Variants in ADAMTSL1 observed in about 807,000 individuals in gnomAD.
ADAMTSL1 encodes the protein ADAMTS-like protein 1.
ADAMTSL1 carries 126 observed loss-of-function variants against 201.8 expected under a neutral mutation model. That is an observed-to-expected ratio of 0.62 (90% CI 0.54 to 0.72). The LOEUF (loss-of-function observed/expected upper bound fraction) is 0.72. Among genes scored for constraint, ADAMTSL1 ranks in the 30% least tolerant of loss-of-function variants. ADAMTSL1 has a pLI of 0.00. For missense variants in ADAMTSL1, 2,679 were observed against 2,277.8 expected (o/e 1.18, Z -3.59); for synonymous variants, 1,121 against 903.4 (o/e 1.24, Z -4.32).
At chr9:18,383,548 A>C (rs2133191723) in intron 2 of ADAMTSL1, among the ~76,000 whole-genome samples, 1 of 152,244 alleles carries the variant, frequency 6.6e-6, no homozygotes, top group African/African-American at 2.4e-5. Context: ...TAATTACTTT[A>C]AGCCACTGTG....
At chr9:18,267,540 C>T (rs1832167198) in intron 2 of ADAMTSL1, among the ~76,000 whole-genome samples, 1 of 151,970 alleles carries the variant, frequency 6.6e-6, no homozygotes, top group Admixed American at 6.6e-5. Context: ...CAGAAATGAA[C>T]CTGTCATTGT....
At chr9:18,444,563 A>T (rs1210825713) in intron 2 of ADAMTSL1, among the ~76,000 whole-genome samples, 1 of 152,144 alleles carries the variant, frequency 6.6e-6, no homozygotes, top group Non-Finnish European at 1.5e-5. Flanking sequence ...AGGCTTGAAG[A>T]TTGGCCTCAA....
chr9:18,871,373 T>C (rs1322655355), intron 23 of ADAMTSL1, among the ~76,000 whole-genome samples: 1 of 152,198 alleles, frequency 6.6e-6, no homozygotes, highest in Non-Finnish European at 1.5e-5. Context: ...CTCTTCTCTC[T>C]CAAATCATTT....
intron 2 of ADAMTSL1, among the ~76,000 whole-genome samples, chr9:18,290,882 C>T (rs184852670): frequency 3.3e-5 from 5 of 151,348 alleles, no homozygotes; most frequent in East Asian, 3.9e-4. Flanking sequence ...CCCAGGTTCA[C>T]GCCATTCTCC....
chr9:18,632,632 G>T (rs1341058617), intron 5 of ADAMTSL1, among the ~76,000 whole-genome samples: 1 of 152,104 alleles, frequency 6.6e-6, no homozygotes, highest in East Asian at 1.9e-4. Context: ...CTTTGTCACT[G>T]AATCCCTAGT....
At chr9:18,427,784 A>G (rs989189160) in intron 2 of ADAMTSL1, among the ~76,000 whole-genome samples, 3 of 152,238 alleles carry the variant, frequency 2.0e-5, no homozygotes, top group Admixed American at 1.3e-4. Context: ...TTTATTTAAG[A>G]TGTGTTGGCT....
At chr9:18,670,078 G>C (rs1829720873) in intron 9 of ADAMTSL1, among the ~76,000 whole-genome samples, 1 of 152,072 alleles carries the variant, frequency 6.6e-6, no homozygotes, top group Middle Eastern at 3.2e-3. Context: ...GGTTTCTATT[G>C]CCCTGAGGTT....
intron 16 of ADAMTSL1, among the ~76,000 whole-genome samples, chr9:18,769,077 G>C (rs1328130077): frequency 6.6e-6 from 1 of 152,188 alleles, no homozygotes; most frequent in Non-Finnish European, 1.5e-5. Flanking sequence ...CTCCCCAGGA[G>C]ACCTTGAGGT....
chr9:18,356,398 C>T (rs942729591), intron 2 of ADAMTSL1, among the ~76,000 whole-genome samples: 5 of 152,046 alleles, frequency 3.3e-5, no homozygotes, highest in African/African-American at 9.7e-5. Flanking sequence ...GCCAGTGGCA[C>T]AGGCCTATAG....
chr9:18,596,321 T>C (rs1313928267), intron 4 of ADAMTSL1, among the ~76,000 whole-genome samples: 2 of 152,170 alleles, frequency 1.3e-5, no homozygotes. Flanking sequence ...TGGGCTTTAA[T>C]TTTGTATCCA....
At chr9:18,646,214 G>A (rs866243011) in intron 7 of ADAMTSL1, among the ~76,000 whole-genome samples, 3 of 151,978 alleles carry the variant, frequency 2.0e-5, no homozygotes, top group Middle Eastern at 3.2e-3. Context: ...GTATAAGAAT[G>A]CTTGTGATTT....
chr9:18,291,355 G>A (rs929872390), intron 2 of ADAMTSL1, among the ~76,000 whole-genome samples: 15 of 152,106 alleles, frequency 9.9e-5, no homozygotes, highest in Non-Finnish European at 2.1e-4. Flanking sequence ...GGGAACAAAA[G>A]CCAGCTTACA....
chr9:18,694,704 A>G (rs1564157378), intron 13 of ADAMTSL1, among the ~76,000 whole-genome samples: 1 of 152,132 alleles, frequency 6.6e-6, no homozygotes, highest in East Asian at 1.9e-4. Context: ...TTCTAGGTTC[A>G]TGGTGCAAGC....
At position 18,011,464 on chromosome 9, in the gene ADAMTSL1, T is replaced by C. The variant is rs371652387; in HGVS notation, c.87+104542T>C. Among the ~76,000 whole-genome samples the C allele has an allele frequency of 8.2e-4, 125 of 152,098 alleles. 2 individuals carry two copies. The South Asian group carries it at 0.025, about 31-fold the overall frequency. On this transcript the variant is annotated intron_variant, in intron 1 of 29. Coordinates refer to the ADAMTSL1 transcript ENST00000680146. The stretch of plus-strand genomic sequence containing the variant: ...TCACACACTCATGCCTAGGAGAGGA[T>C]GGAAGATGGCACGGAACCGCCCCAG...
intron 2 of ADAMTSL1, among the ~76,000 whole-genome samples, chr9:18,192,992 T>C (rs1829031565): frequency 6.6e-6 from 1 of 151,844 alleles, no homozygotes; most frequent in South Asian, 2.1e-4. Context: ...AAATAAACGA[T>C]ATAAGGAATA....
At chr9:18,701,898 G>A (rs1438629035) in intron 13 of ADAMTSL1, among the ~76,000 whole-genome samples, 3 of 152,176 alleles carry the variant, frequency 2.0e-5, no homozygotes, top group East Asian at 1.9e-4. Context: ...TTTTCACATT[G>A]TATTACTCCA....
At chr9:18,031,082 T>C (rs897795377) in intron 1 of ADAMTSL1, among the ~76,000 whole-genome samples, 2 of 152,188 alleles carry the variant, frequency 1.3e-5, no homozygotes, top group Admixed American at 6.5e-5. Flanking sequence ...CTTGTTTCCT[T>C]GGATTAGATT....
At chr9:18,169,983 C>A (rs1352015218) in intron 2 of ADAMTSL1, among the ~76,000 whole-genome samples, 1 of 151,892 alleles carries the variant, frequency 6.6e-6, no homozygotes, top group Non-Finnish European at 1.5e-5. Flanking sequence ...TACAGGGAGA[C>A]AAGAAGCATA....
At chr9:18,521,080 T>C (rs530747210) in intron 2 of ADAMTSL1, among the ~76,000 whole-genome samples, 2 of 152,108 alleles carry the variant, frequency 1.3e-5, no homozygotes, top group African/African-American at 4.8e-5. Flanking sequence ...ATGAAGGAGA[T>C]TTAACCTCAA....
Sources: gnomAD v4.1 joint callset for allele counts (sites outside exome capture counted in the v4.1 genomes callset) on GRCh38, gnomAD v4.1.1 for gene constraint, MANE v1.5 for transcripts, NCBI Gene and HGNC (gene_info 2026-07-23, HGNC 2026-07-21) for gene names.